MCF2L2: variants seen among roughly 807,000 people sequenced by gnomAD.
MCF2L2 encodes probable guanine nucleotide exchange factor MCF2L2.
MCF2L2 carries 102 observed loss-of-function variants against 150.2 expected under a neutral mutation model. The observed-to-expected ratio is 0.68, with a 90% CI of 0.58 to 0.80. MCF2L2 has a LOEUF of 0.80. MCF2L2 is among the 30% of genes least tolerant of loss of function. MCF2L2 has a pLI of 0.00. For synonymous variants in MCF2L2, 465 were observed against 491.3 expected (o/e 0.95, Z 0.71); for missense variants, 1,256 against 1,372.8 (o/e 0.91, Z 1.34).
chr3:183,219,788 T>A, intron 21 of MCF2L2, 68 bp downstream of exon 21: 1 of 1,055,052 alleles, frequency 9.5e-7, no homozygotes, highest in Non-Finnish European at 1.4e-6. Context: ...TTGCTATAAA[T>A]CCTCCGACCC....
intron 25 of MCF2L2, 75 bp downstream of exon 25, chr3:183,205,801 T>A: frequency 2.8e-6 from 3 of 1,082,146 alleles, no homozygotes; most frequent in South Asian, 2.7e-5. Flanking sequence ...TTTCACAATA[T>A]CCCCAATTTG....
chr3:183,230,409 C>T (rs998691352), intron 16 of MCF2L2, among the ~76,000 whole-genome samples: 15 of 152,142 alleles, frequency 9.9e-5, no homozygotes, highest in African/African-American at 1.7e-4. Context: ...CCACTGCATC[C>T]GGCCCAATAA....
At chr3:183,294,634 T>TA (rs376615455) in intron 13 of MCF2L2, among the ~76,000 whole-genome samples, 4,268 of 93,270 alleles carry the variant, frequency 0.046, 210 homozygotes, top group African/African-American at 0.15. Flanking sequence ...TATATATATA[T>TA]TTTTTTTTTT....
At position 183,296,958 on chromosome 3, in the gene MCF2L2, A is replaced by C. The variant is rs148841300; in HGVS notation, c.1497+18T>G. ...TCCGTTTCCCAACCACAGGATCAAA[A>C]TAACCCGGAAGCATTACCTTTGCAT... On this transcript the variant is annotated intron_variant, in intron 12 of 29. Transcript: ENST00000328913. The C allele has an allele frequency of 6.2e-7, 1 of 1,607,230 alleles. No homozygotes were observed. The highest frequency in any genetic ancestry group is 8.5e-7 in the Non-Finnish European group (1 of 1,175,696).
At chr3:183,184,209 G>A (rs1160590954) in intron 27 of MCF2L2, among the ~76,000 whole-genome samples, 2 of 152,082 alleles carry the variant, frequency 1.3e-5, no homozygotes, top group African/African-American at 2.4e-5. Flanking sequence ...GTAGAGACAG[G>A]GTTTCACCAT....
Position 183,300,073 on chromosome 3 carries a change from T to C in MCF2L2, c.1237A>G (p.Ile413Val), listed in dbSNP as rs1728758870. 1 of 1,613,940 alleles carries C rather than the reference T, an allele frequency of 6.2e-7. No individual in the cohort carries two copies. Among genetic ancestry groups the C allele is most frequent in the Non-Finnish European group, 8.5e-7 (1 of 1,179,948 alleles). Residue 413 changes from isoleucine to valine, a missense_variant, in exon 11 of 30, where the codon ATC (isoleucine) becomes GTC (valine). Physicochemically the swap from Ile to Val is conservative, Grantham distance 29 (BLOSUM62 3). Coordinates refer to ENST00000328913, the MANE Select transcript of MCF2L2 (RefSeq NM_015078.4). ...VELRHLCDDF[I>V]NGNKKKWDIL... ...TCCCATTTTTTCTTGTTTCCATTGA[T>C]GAAATCGTCACAGAGGTGCCTGAGC...
Position 183,370,842 on chromosome 3 carries a change from G to C in MCF2L2, c.275+8455C>G, listed in dbSNP as rs187054247. Among the ~76,000 whole-genome samples, 90 of 152,314 alleles carry C rather than the reference G, an allele frequency of 5.9e-4. 1 individual carries two copies. Among genetic ancestry groups the C allele is most frequent in the African/African-American group, 1.9e-3 (78 of 41,568 alleles). ...TTAATAAAACCAAGGAGTGCCTTCT[G>C]ATTTCAGGCCTCAGTTGGGTGCCCA... is the stretch of plus-strand genomic sequence containing the variant. On this transcript the variant is annotated intron_variant, in intron 3 of 29. Transcript: ENST00000328913.
At position 183,272,166 on chromosome 3, in the gene MCF2L2, T is replaced by C. The variant is rs1726833203; in HGVS notation, c.1862+4706A>G. ...CATTTTTAAAGCTGCATGTTCCTTG[T>C]AATCAAAGAGATGTGTCTGAGATCT... On this transcript the variant is annotated intron_variant, in intron 15 of 29. Transcript: ENST00000328913. 1.1e-5 allele frequency: 11 copies of C among 1,000,218 alleles called. 1 individual carries two copies. The South Asian group carries it at 4.2e-4, about 38-fold the overall frequency. 62.0% of individuals were successfully genotyped at this position (1,000,218 alleles called of 1,614,324 possible).
intron 14 of MCF2L2, among the ~76,000 whole-genome samples, chr3:183,282,934 T>C (rs554388869): frequency 1.3e-5 from 2 of 152,310 alleles, no homozygotes; most frequent in East Asian, 3.9e-4. Flanking sequence ...GTATAGGTGC[T>C]CTTAACAATC....
intron 6 of MCF2L2, among the ~76,000 whole-genome samples, chr3:183,322,528 GA>G (rs2108520082): frequency 6.6e-6 from 1 of 152,326 alleles, no homozygotes; most frequent in East Asian, 1.9e-4. Flanking sequence ...CCCCTATAGA[GA>G]AATACTGTGT....
intron 14 of MCF2L2, among the ~76,000 whole-genome samples, chr3:183,280,082 TC>T (rs1397905024): frequency 6.7e-6 from 1 of 148,570 alleles, no homozygotes; most frequent in Non-Finnish European, 1.5e-5. Context: ...TGGGTCCAAC[TC>T]CCCTCACATA....
At position 183,318,093 on chromosome 3, in the gene MCF2L2, T is replaced by A. The variant is rs1729672208; in HGVS notation, c.728A>T (p.His243Leu). ...MLSTEDLLMS[H>L]TRQRDKLQDE... ...CTGCAGCTTGTCCCGCTGCCTTGTG[T>A]GGGACATGAGAAGGTCTTCCGTGGA... Residue 243 changes from histidine (H) to leucine (L), a missense_variant, in exon 7 of 30, where the codon CAC (histidine) becomes CTC (leucine). Physicochemically the swap from His to Leu is moderately conservative, Grantham distance 99. Coordinates refer to ENST00000328913, the MANE Select transcript of MCF2L2 (RefSeq NM_015078.4). The A allele has an allele frequency of 6.2e-7, 1 of 1,613,918 alleles. No individual in the cohort carries two copies. Among genetic ancestry groups the A allele is most frequent in the Non-Finnish European group, 8.5e-7 (1 of 1,179,986 alleles).
At chr3:183,398,054 G>C (rs1714558175) in intron 1 of MCF2L2, among the ~76,000 whole-genome samples, 1 of 152,178 alleles carries the variant, frequency 6.6e-6, no homozygotes. Flanking sequence ...TAGAGGTACT[G>C]CCTAAGTTCA....
At chr3:183,203,606 A>G (rs1722373386) in intron 25 of MCF2L2, among the ~76,000 whole-genome samples, 1 of 152,236 alleles carries the variant, frequency 6.6e-6, no homozygotes, top group Non-Finnish European at 1.5e-5. Context: ...GATACCTTCA[A>G]GCACGCTAAT....
At chr3:183,410,042 G>A (rs1168353852) in intron 1 of MCF2L2, among the ~76,000 whole-genome samples, 1 of 152,144 alleles carries the variant, frequency 6.6e-6, no homozygotes, top group East Asian at 1.9e-4. Context: ...AAGGGTTGTT[G>A]ACCATGGAAG....
At chr3:183,315,680 C>A (rs1015635659) in intron 7 of MCF2L2, among the ~76,000 whole-genome samples, 5 of 152,170 alleles carry the variant, frequency 3.3e-5, no homozygotes, top group African/African-American at 1.2e-4. Flanking sequence ...CCTCTTACTC[C>A]ATCCTGGAAG....
At chr3:183,407,758 C>A (rs78418551) in intron 1 of MCF2L2, among the ~76,000 whole-genome samples, 2 of 152,086 alleles carry the variant, frequency 1.3e-5, no homozygotes, top group Non-Finnish European at 2.9e-5. Flanking sequence ...TCACAGCCTG[C>A]GGGCTTGTTC....
chr3:183,278,091 G>A (rs1727262278), intron 14 of MCF2L2, among the ~76,000 whole-genome samples: 1 of 151,556 alleles, frequency 6.6e-6, no homozygotes, highest in African/African-American at 2.4e-5. Context: ...GGCTGAGGCA[G>A]GAGAATCACT....
chr3:183,400,331 C>T, intron 1 of MCF2L2: 1 of 442,654 alleles, frequency 2.3e-6, no homozygotes, highest in Non-Finnish European at 4.5e-6. Flanking sequence ...AAAACACATG[C>T]ATCCTTGCTT....
Sources: gnomAD v4.1 joint callset for allele counts (sites outside exome capture counted in the v4.1 genomes callset) on GRCh38, gnomAD v4.1.1 for gene constraint, MANE v1.5 for transcripts, NCBI Gene and HGNC (gene_info 2026-07-23, HGNC 2026-07-21) for gene names.